Variants in EVC observed in about 807,000 individuals in gnomAD.
EVC encodes the protein evC complex member EVC.
Under a neutral mutation model 118.9 loss-of-function variants are expected in EVC, and 116 were observed. The ratio of observed to expected loss-of-function variants is 0.98; its 90% CI spans 0.84 to 1.14. EVC has a LOEUF of 1.14. EVC is among the 50% of genes most tolerant of loss of function. The pLI is 0.00. For missense variants in EVC, 1,401 were observed against 1,246.4 expected (o/e 1.12, Z -1.87); for synonymous variants, 619 against 534.7 (o/e 1.16, Z -2.18).
intron 8 of EVC, among the ~76,000 whole-genome samples, chr4:5,752,122 C>G (rs1255623060): frequency 6.6e-6 from 1 of 152,034 alleles, no homozygotes; most frequent in Admixed American, 6.5e-5. Flanking sequence ...TAGGCCTGAG[C>G]TGGGCGTGGC....
At chr4:5,800,377 C>T (rs897661139) in intron 15 of EVC, among the ~76,000 whole-genome samples, 2 of 152,078 alleles carry the variant, frequency 1.3e-5, no homozygotes, top group Non-Finnish European at 1.5e-5. Flanking sequence ...AACAGAAAAG[C>T]ATTGAGTTTA....
At chr4:5,779,248 G>C (rs1203811830) in intron 11 of EVC, among the ~76,000 whole-genome samples, 3 of 152,146 alleles carry the variant, frequency 2.0e-5, no homozygotes, top group Non-Finnish European at 2.9e-5. Context: ...CTGTAGCCTT[G>C]TAATATAGTT....
rs1193917926 is a variant in EVC at position 5,794,257 on chromosome 4, GTATTTATA to G, written c.1886+552_1886+559del. 1.7e-3 allele frequency among the ~76,000 whole-genome samples: 51 copies of G among 29,682 alleles called. 1 individual carries two copies. In the South Asian group the frequency reaches 0.054, roughly 31 times the overall value. The allele number at this position is 29,682 out of a possible 152,430, so 19.5% of individuals were successfully genotyped here. On this transcript the variant is annotated intron_variant, in intron 13 of 20. Transcript: ENST00000264956. Reference sequence around the variant, plus strand: ...TATATATTTATATATATATTTATATGTATTTATATATTTATATATATTTATATATATTT... The same window carrying G: ...TATATATTTATATATATATTTATATGTATTTATATATATTTATATATATTT...
At position 5,755,384 on chromosome 4, in the gene EVC, G is replaced by C. The variant is rs1731008112; in HGVS notation, c.1465-880G>C. Among the ~76,000 whole-genome samples, 1 of 152,010 alleles carries C rather than the reference G, an allele frequency of 6.6e-6. No homozygotes were observed. Among genetic ancestry groups the C allele is most frequent in the African/African-American group, 2.4e-5 (1 of 41,352 alleles). ...GGGAAGGGTGAATGAGCGCATGCGT[G>C]CCTGAATGAACCAGGACATGGACAA... On this transcript the variant is annotated intron_variant, in intron 10 of 20. Transcript: ENST00000264956. The surrounding 1 kb of genome is among the most constrained non-coding windows in gnomAD (Gnocchi z 4.1).
intron 11 of EVC, chr4:5,757,965 A>C: frequency 4.8e-6 from 3 of 627,972 alleles, no homozygotes; most frequent in Admixed American, 2.5e-5. Flanking sequence ...GAACCTCGGA[A>C]TGTGGCCACA....
chr4:5,747,214 T>C (rs1450467631), intron 7 of EVC, among the ~76,000 whole-genome samples: 2 of 102,560 alleles, frequency 2.0e-5, no homozygotes, highest in Non-Finnish European at 1.9e-5. Context: ...CAGTTGAGGC[T>C]GACAGAGTTT....
intron 1 of EVC, among the ~76,000 whole-genome samples, chr4:5,716,956 G>A (rs1156856224): frequency 2.0e-5 from 3 of 152,158 alleles, no homozygotes; most frequent in Admixed American, 1.3e-4. Flanking sequence ...AAATGAAATT[G>A]CACCACGATG....
At position 5,755,763 on chromosome 4, in the gene EVC, G is replaced by A. The variant is rs371861786; in HGVS notation, c.1465-501G>A. Among the ~76,000 whole-genome samples the A allele has an allele frequency of 2.0e-5, 3 of 152,268 alleles. No individual in the cohort carries two copies. In the South Asian group the frequency reaches 6.2e-4, roughly 32 times the overall value. On this transcript the variant is annotated intron_variant, in intron 10 of 20. Coordinates refer to ENST00000264956, the MANE Select transcript of EVC (RefSeq NM_153717.3). The surrounding 1 kb of genome is among the most constrained non-coding windows in gnomAD (Gnocchi z 4.1). ...CCTCGCTGATGCTCTGTTTAGGGCT[G>A]GCTGGGTCTCCCCCTGCTGATGCCC...
intron 1 of EVC, among the ~76,000 whole-genome samples, chr4:5,715,766 T>C (rs1450820309): frequency 2.3e-5 from 3 of 128,750 alleles, no homozygotes; most frequent in East Asian, 4.6e-4. Flanking sequence ...TTTTTTGAGA[T>C]AGAGTCTTGC....
chr4:5,717,564 GC>G (rs1436146867), intron 1 of EVC, among the ~76,000 whole-genome samples: 1 of 152,128 alleles, frequency 6.6e-6, no homozygotes, highest in East Asian at 1.9e-4. Context: ...GTACTGGTCT[GC>G]TATGGTTGGT....
chr4:5,714,807 G>A (rs1247928083), intron 1 of EVC, among the ~76,000 whole-genome samples: 2 of 151,588 alleles, frequency 1.3e-5, no homozygotes, highest in Non-Finnish European at 2.9e-5. Flanking sequence ...TTTTTTGTTT[G>A]TTTTTTGTTT....
chr4:5,794,215 A>G (rs1435124038), intron 13 of EVC, among the ~76,000 whole-genome samples: 1 of 138,988 alleles, frequency 7.2e-6, no homozygotes, highest in African/African-American at 2.6e-5. Context: ...TCCTTCTTTC[A>G]TTATGAGAAA....
At chr4:5,823,085 C>T in the EVC span, among the ~76,000 whole-genome samples, 13,114 of 152,198 alleles carry the variant, frequency 0.086, 1,327 homozygotes, top group African/African-American at 0.25. Context: ...TAGTTGTCAC[C>T]TGCAACAGGA....
chr4:5,774,143 ACT>A (rs1734388129), intron 11 of EVC, among the ~76,000 whole-genome samples: 2 of 151,096 alleles, frequency 1.3e-5, no homozygotes, highest in Admixed American at 6.6e-5. Context: ...CCTCTGCAAC[ACT>A]CTATACTTCA....
intron 1 of EVC, among the ~76,000 whole-genome samples, chr4:5,713,908 A>G (rs1335163407): frequency 6.6e-6 from 1 of 150,910 alleles, no homozygotes; most frequent in Non-Finnish European, 1.5e-5. Context: ...CATCTAAAAA[A>G]TAAATAAATA....
intron 12 of EVC, among the ~76,000 whole-genome samples, chr4:5,790,179 T>TAAAA (rs1712495684): frequency 3.9e-5 from 1 of 25,464 alleles, no homozygotes; most frequent in African/African-American, 1.3e-4. Context: ...AGACTCCATC[T>TAAAA]CAAAAAAAAA....
intron 11 of EVC, among the ~76,000 whole-genome samples, chr4:5,761,736 T>G (rs1732054154): frequency 6.6e-6 from 1 of 151,884 alleles, no homozygotes; most frequent in East Asian, 1.9e-4. Context: ...TGTTTAGTCC[T>G]TAGGGAAGAA....
intron 17 of EVC, among the ~76,000 whole-genome samples, chr4:5,805,781 G>T (rs548127635): frequency 2.2e-4 from 34 of 152,154 alleles, no homozygotes; most frequent in Non-Finnish European, 4.4e-4. Flanking sequence ...AGGAAGCCCA[G>T]TGTTGGGAAA....
Position 5,797,210 on chromosome 4 carries a change from A to C in EVC, c.2075A>C (p.Gln692Pro), listed in dbSNP as rs1341542072. ...TCCTCCCAGTGCCTGGACGAGCATC[A>C]GTGGCAGCTGCTCAGGGCCCTGGTA... Reference protein sequence around the residue: ...QGSSQCLDEHQWQLLRALEAR... With the variant: ...QGSSQCLDEHPWQLLRALEAR... Residue 692 changes from glutamine to proline, a missense_variant, in exon 14 of 21, where the codon CAG (glutamine) becomes CCG (proline). Physicochemically the swap from Gln to Pro is moderately conservative, Grantham distance 76. Coordinates refer to ENST00000264956, the MANE Select transcript of EVC (RefSeq NM_153717.3). 6.2e-7 allele frequency: 1 copy of C among 1,611,366 alleles called. No homozygotes were observed. Among genetic ancestry groups the C allele is most frequent in the East Asian group, 2.2e-5 (1 of 44,818 alleles).
Sources: allele counts gnomAD v4.1 joint callset (sites outside exome capture counted in the v4.1 genomes callset), GRCh38; gene constraint gnomAD v4.1.1; non-coding constraint Gnocchi (gnomAD v3.1); transcripts MANE v1.5; gene names NCBI Gene and HGNC (gene_info 2026-07-23, HGNC 2026-07-21).